Variants in ITIH6 observed in about 807,000 individuals in gnomAD.
ITIH6 encodes the protein inter-alpha-trypsin inhibitor heavy chain H6.
ITIH6 carries 60 observed loss-of-function variants against 58.2 expected under a neutral mutation model. That is an observed-to-expected ratio of 1.03 (90% CI 0.84 to 1.28). The LOEUF (loss-of-function observed/expected upper bound fraction) is 1.28. Ranked by LOEUF, ITIH6 falls within the 50% of genes most tolerant of loss-of-function variation. The pLI is 0.00. For missense variants in ITIH6, 1,290 were observed against 1,021.1 expected (o/e 1.26, Z -3.59); for synonymous variants, 493 against 417.4 (o/e 1.18, Z -2.21).
In ITIH6 at chrX:54,751,182, C is replaced by A. The variant is rs1405361053; in HGVS notation, c.3551G>T (p.Arg1184Met). 1 of 1,211,737 alleles carries A rather than the reference C, an allele frequency of 8.3e-7. No homozygotes were observed. Residue 1184 changes from arginine (R) to methionine (M), a missense_variant, in exon 12 of 13, where the codon AGG (arginine) becomes ATG (methionine). Physicochemically the swap from Arg to Met is moderately conservative, Grantham distance 91. Transcript: ENST00000218436. ...AGCCACATAGAGCTCCAGCTGGGGC[C>A]TCTTCAGCAGGGCAGGTTGGTCCCA... ...LSWDQPALLK[R>M]PQLELYVAAA...
chrX:54,756,504 C>CT (rs1025384151), intron 8 of ITIH6, among the ~76,000 whole-genome samples: 10 of 111,510 alleles, frequency 9.0e-5, no homozygotes, highest in Non-Finnish European at 1.9e-4. Context: ...TTATTTCATA[C>CT]TTTTTTTGGA....
At chrX:54,783,318 A>T (rs1929180792) in intron 5 of ITIH6, among the ~76,000 whole-genome samples, 1 of 112,014 alleles carries the variant, frequency 8.9e-6, no homozygotes, top group Non-Finnish European at 1.9e-5. Flanking sequence ...TATTCCACAA[A>T]GTACTGGAAG....
chrX:54,760,195 A>T (rs986103629), intron 6 of ITIH6, among the ~76,000 whole-genome samples: 4 of 111,911 alleles, frequency 3.6e-5, no homozygotes, highest in African/African-American at 1.3e-4. Context: ...AAAAATTCAA[A>T]CATTTAATTC....
At chrX:54,794,343 T>C (rs1013278256) in intron 2 of ITIH6, among the ~76,000 whole-genome samples, 2 of 110,927 alleles carry the variant, frequency 1.8e-5, no homozygotes, top group Non-Finnish European at 3.8e-5. Context: ...AAAAATCTGT[T>C]GGTGTTTTTT....
chrX:54,785,317 C>T (rs1347723980), intron 5 of ITIH6, among the ~76,000 whole-genome samples: 5 of 110,407 alleles, frequency 4.5e-5, no homozygotes, highest in Admixed American at 2.9e-4. Context: ...GACAGGGTGA[C>T]TATAGTCAAT....
At chrX:54,765,304 C>T (rs1458139483) in intron 6 of ITIH6, among the ~76,000 whole-genome samples, 1 of 69,462 alleles carries the variant, frequency 1.4e-5, no homozygotes, top group East Asian at 4.4e-4. Flanking sequence ...GTTGCCATTG[C>T]TTTTGGTGTT....
rs1928308021 is a variant in ITIH6, at chrX:54,749,561, A to C, written c.*334T>G. 4.9e-6 allele frequency: 1 copy of C among 202,723 alleles called. No homozygotes were observed. The highest frequency in any genetic ancestry group is 9.0e-6 in the Non-Finnish European group (1 of 111,587). The allele number at this position is 202,723 out of a possible 1,213,427, so 16.7% of individuals were successfully genotyped here. On this transcript the variant is annotated 3_prime_UTR_variant, in exon 13 of 13. Coordinates refer to ENST00000218436, the MANE Select transcript of ITIH6 (RefSeq NM_198510.3). Reference sequence around the variant, plus strand: ...TGTTAGGGAAACTCTGAGAGCCTTGAATATGCCATAGGAGTTAGGGAAAGC... The same window carrying C: ...TGTTAGGGAAACTCTGAGAGCCTTGCATATGCCATAGGAGTTAGGGAAAGC...
In ITIH6 at chrX:54,758,046, G is replaced by A. The variant is rs775435827; in HGVS notation, c.2028C>T (p.Ala676=). 1.7e-6 allele frequency: 2 copies of A among 1,209,351 alleles called. No individual in the cohort carries two copies. Among genetic ancestry groups the A allele is most frequent in the Non-Finnish European group, 2.2e-6 (2 of 894,631 alleles). Residue 676 remains alanine (A), a synonymous_variant, in exon 8 of 13, where the codon GCC becomes GCT. Coordinates refer to ENST00000218436, the MANE Select transcript of ITIH6 (RefSeq NM_198510.3). ...PKFYLSSTTT[A]STKKMLSSKE... ...TGGAACTTAGCATCTTCTTGGTAGA[G>A]GCAGTAGTAGTTGAGGATAAGTAGA... is the stretch of plus-strand genomic sequence containing the variant.
intron 6 of ITIH6, among the ~76,000 whole-genome samples, chrX:54,770,669 C>T (rs1360319082): frequency 2.7e-5 from 3 of 112,332 alleles, no homozygotes; most frequent in Non-Finnish European, 5.6e-5. Flanking sequence ...CAATATTACT[C>T]TCATTAATTT....
rs34004499 is a variant in ITIH6 at position 54,758,393 on chromosome X, G to A, written c.1681C>T (p.Arg561Cys). 3.4e-4 allele frequency: 416 copies of A among 1,209,547 alleles called. 2 individuals carry two copies. The African/African-American group carries it at 6.3e-3, about 18-fold the overall frequency. The change falls in exon 8 of 13, where the codon CGC becomes TGC. Residue 561 changes from arginine (R) to cysteine (C), a missense_variant. By Grantham distance (180) the Arg-to-Cys change is radical. Coordinates refer to ENST00000218436, the MANE Select transcript of ITIH6 (RefSeq NM_198510.3). ...ATGGTGACATAGGCCCAGAGGCGGC[G>A]GATGAAGTGGGCCACATTGGGGGCT... The part of the protein sequence containing the change: ...EPAPNVAHFI[R>C]RLWAYVTIGE...
chrX:54,776,711 T>C (rs1480851518), intron 5 of ITIH6, among the ~76,000 whole-genome samples: 1 of 111,055 alleles, frequency 9.0e-6, no homozygotes, highest in East Asian at 2.8e-4. Context: ...GGAAACCTGC[T>C]GCCTTGAAGG....
intron 9 of ITIH6, among the ~76,000 whole-genome samples, 190 bp downstream of exon 9, chrX:54,754,827 A>G (rs915756695): frequency 1.5e-4 from 17 of 112,429 alleles, no homozygotes; most frequent in African/African-American, 5.5e-4. Context: ...CTATTTCTAG[A>G]CTACTGACTA....
In ITIH6 at chrX:54,757,167, T is replaced by G; in HGVS notation, c.2907A>C (p.Leu969=). The G allele has an allele frequency of 1.7e-6, 2 of 1,209,734 alleles. No homozygotes were observed. Among genetic ancestry groups the G allele is most frequent in the Non-Finnish European group, 2.2e-6 (2 of 894,628 alleles). ...CTGGTGTAGGCCTGGAGCTGTTGAG[T>G]AGGCTCATTGTTGGAACTCCTGGCC... ...PSRPGVPTMS[L]LNSSRPTPEG... is the part of the protein sequence containing the mutation. Residue 969 remains leucine, a synonymous_variant, in exon 8 of 13, where the codon CTA becomes CTC. Coordinates refer to ENST00000218436, the MANE Select transcript of ITIH6 (RefSeq NM_198510.3).
At chrX:54,791,113 G>A (rs1254580081) in intron 3 of ITIH6, 29 bp from the exon 4 acceptor site, 1 of 1,205,214 alleles carries the variant, frequency 8.3e-7, no homozygotes, top group African/African-American at 1.7e-5. Context: ...ATGGTGGGAA[G>A]AGAAAGGGAC....
chrX:54,780,047 G>A (rs1237492346), intron 5 of ITIH6, among the ~76,000 whole-genome samples: 1 of 111,948 alleles, frequency 8.9e-6, no homozygotes, highest in Non-Finnish European at 1.9e-5. Context: ...TAGAGCTAAA[G>A]GGAGAGATAG....
chrX:54,764,506 A>G lies in ITIH6; in HGVS notation c.904-4579T>C, dbSNP rs765998318. On this transcript the variant is annotated intron_variant, in intron 6 of 12. Coordinates refer to ENST00000218436, the MANE Select transcript of ITIH6 (RefSeq NM_198510.3). ...TTCCCACCTATGAGTGAGAATATGC[A>G]GTGTTTGATTTTTTGTTCTTGCGAT... Among the ~76,000 whole-genome samples the G allele has an allele frequency of 1.3e-3, 135 of 106,473 alleles. 1 individual carries two copies. Among genetic ancestry groups the G allele is most frequent in the African/African-American group, 4.1e-3 (119 of 29,133 alleles). 92.5% of individuals were successfully genotyped at this position (106,473 alleles called of 115,157 possible).
chrX:54,773,295 G>A (rs923204582), intron 6 of ITIH6, among the ~76,000 whole-genome samples: 5 of 111,445 alleles, frequency 4.5e-5, no homozygotes, highest in Non-Finnish European at 5.6e-5. Context: ...AGTGAGACAA[G>A]AAGGCTAGAA....
chrX:54,790,693 A>G lies in ITIH6; in HGVS notation c.616+144T>C, dbSNP rs901224189. ...AATCCAAATATTTTCACCTTCAAAC[A>G]TGCCCTCTTCTCACTGAATCAGGAA... On this transcript the variant is annotated intron_variant, in intron 4 of 12. Coordinates refer to ENST00000218436, the MANE Select transcript of ITIH6 (RefSeq NM_198510.3). The G allele has an allele frequency of 2.8e-5, 21 of 749,115 alleles. No individual in the cohort carries two copies. The Admixed American group carries it at 4.3e-4, about 15-fold the overall frequency. 61.7% of individuals were successfully genotyped at this position (749,115 alleles called of 1,213,427 possible).
intron 4 of ITIH6, among the ~76,000 whole-genome samples, chrX:54,789,808 G>T (rs1420642173): frequency 8.8e-6 from 1 of 113,038 alleles, no homozygotes; most frequent in Non-Finnish European, 1.9e-5. Context: ...CTAATGAGTA[G>T]AATGATCGTG....
Sources: allele counts gnomAD v4.1 joint callset (sites outside exome capture counted in the v4.1 genomes callset), GRCh38; gene constraint gnomAD v4.1.1; transcripts MANE v1.5; gene names NCBI Gene and HGNC (gene_info 2026-07-23, HGNC 2026-07-21).